Variants in YEATS2 observed in about 807,000 individuals in gnomAD.
YEATS2 encodes YEATS domain containing 2.
Under a neutral mutation model 163.2 loss-of-function variants are expected in YEATS2, and 77 were observed. The observed-to-expected ratio is 0.47, with a 90% CI of 0.39 to 0.57. YEATS2 has a LOEUF of 0.57. YEATS2 is among the 20% of genes least tolerant of loss of function. The pLI is 0.00. For synonymous variants in YEATS2, 631 were observed against 645.1 expected (o/e 0.98, Z 0.33); for missense variants, 1,549 against 1,729.8 (o/e 0.90, Z 1.85).
intron 1 of YEATS2, among the ~76,000 whole-genome samples, chr3:183,704,754 A>G (rs1490075872): frequency 6.6e-6 from 1 of 151,666 alleles, no homozygotes; most frequent in Non-Finnish European, 1.5e-5. Context: ...TCAGCCTCCC[A>G]AGTAGCTGGG....
chr3:183,808,907 T>A, intron 29 of YEATS2, 190 bp from the exon 30 acceptor site: 1 of 552,530 alleles, frequency 1.8e-6, no homozygotes. Flanking sequence ...TCACTCCAAT[T>A]CATAATTTCT....
intron 6 of YEATS2, among the ~76,000 whole-genome samples, chr3:183,725,535 G>A (rs536004777): frequency 6.6e-6 from 1 of 152,244 alleles, no homozygotes; most frequent in Non-Finnish European, 1.5e-5. Flanking sequence ...AGGCAAGGGA[G>A]AAACAAAGCC....
At chr3:183,762,790 G>A (rs193261542) in intron 15 of YEATS2, among the ~76,000 whole-genome samples, 3 of 151,958 alleles carry the variant, frequency 2.0e-5, no homozygotes, top group African/African-American at 7.2e-5. Context: ...GGTGGCTCAC[G>A]CCTGTGATCC....
chr3:183,745,012 A>C (rs1039052805), intron 8 of YEATS2, among the ~76,000 whole-genome samples: 1 of 151,942 alleles, frequency 6.6e-6, no homozygotes, highest in Admixed American at 6.6e-5. Context: ...CACCATGCCC[A>C]GCTAATTTTT....
At chr3:183,798,787 T>C in intron 22 of YEATS2, 104 bp from the exon 23 acceptor site, 1 of 871,934 alleles carries the variant, frequency 1.1e-6, no homozygotes, top group East Asian at 2.5e-5. Context: ...TCAAGTTGCC[T>C]TTGTGCTGTT....
intron 17 of YEATS2, 84 bp from the exon 18 acceptor site, chr3:183,775,831 C>A: frequency 6.3e-7 from 1 of 1,591,974 alleles, no homozygotes; most frequent in Non-Finnish European, 8.5e-7. Flanking sequence ...AAAAGGGAAA[C>A]ATCTCTCTGG....
Position 183,736,938 on chromosome 3 carries a change from A to C in YEATS2, c.924+109A>C, listed in dbSNP as rs773387391. The C allele has an allele frequency of 6.2e-6, 6 of 961,182 alleles. No homozygotes were observed. The East Asian group carries it at 1.5e-4, about 24-fold the overall frequency. 59.5% of individuals were successfully genotyped at this position (961,182 alleles called of 1,614,324 possible). ...GACCCCCTCGCATTAAAAAATTCAC[A>C]TACAACTTTCGACTCCCCCAAAACT... On this transcript the variant is annotated intron_variant, in intron 8 of 30. Transcript: ENST00000305135.
chr3:183,730,082 TTTTTTG>T (rs1458903671), intron 7 of YEATS2, among the ~76,000 whole-genome samples: 3 of 113,992 alleles, frequency 2.6e-5, no homozygotes, highest in East Asian at 2.3e-4. Context: ...TTTTTTTTTT[TTTTTTG>T]GAGACACATC....
intron 9 of YEATS2, among the ~76,000 whole-genome samples, chr3:183,748,673 C>T (rs1258082882): frequency 2.0e-5 from 3 of 151,912 alleles, no homozygotes; most frequent in Non-Finnish European, 2.9e-5. Flanking sequence ...CATCATGGCT[C>T]ACTGCAACCT....
intron 21 of YEATS2, among the ~76,000 whole-genome samples, chr3:183,792,669 C>T (rs1048703402): frequency 6.6e-6 from 1 of 152,128 alleles, no homozygotes; most frequent in Non-Finnish European, 1.5e-5. Context: ...AGGCACCCGC[C>T]CTCATGCCTG....
At chr3:183,778,119 AAAAAAAAAAG>A (rs1383804485) in intron 19 of YEATS2, among the ~76,000 whole-genome samples, 94 of 148,944 alleles carry the variant, frequency 6.3e-4, no homozygotes, top group African/African-American at 2.0e-3. Context: ...CTCAAAAAAA[AAAAAAAAAAG>A]AAAAAAAAAG....
At position 183,744,438 on chromosome 3, in the gene YEATS2, TATTTTTAAC is replaced by T. The variant is rs1387871383; in HGVS notation, c.925-3232_925-3224del. 3.3e-5 allele frequency among the ~76,000 whole-genome samples: 5 copies of T among 152,232 alleles called. No homozygotes were observed. The East Asian group carries it at 9.7e-4, about 29-fold the overall frequency. On this transcript the variant is annotated intron_variant, in intron 8 of 30. Coordinates refer to ENST00000305135, the MANE Select transcript of YEATS2 (RefSeq NM_018023.5). ...GGCCAGTTTTACTTTCTTTTAATCT[TATTTTTAAC>T]ACAGCACATACTACCTTATGTTGCA... is the stretch of plus-strand genomic sequence containing the variant.
chr3:183,747,803 G>A lies in YEATS2; in HGVS notation c.969+87G>A, dbSNP rs1284017529. 3.2e-5 allele frequency: 42 copies of A among 1,293,462 alleles called. No homozygotes were observed. In the South Asian group the frequency reaches 4.9e-4, roughly 15 times the overall value. The allele number at this position is 1,293,462 out of a possible 1,614,324, so 80.1% of individuals were successfully genotyped here. Reference sequence around the variant, plus strand: ...TTGTTTGTTTGTTTGTTTTGAGACGGGGTCTTCGCTCTGTCACCCAGGCTG... The same window carrying A: ...TTGTTTGTTTGTTTGTTTTGAGACGAGGTCTTCGCTCTGTCACCCAGGCTG... On this transcript the variant is annotated intron_variant, in intron 9 of 30. Coordinates refer to ENST00000305135, the MANE Select transcript of YEATS2 (RefSeq NM_018023.5).
intron 18 of YEATS2, among the ~76,000 whole-genome samples, 190 bp from the exon 19 acceptor site, chr3:183,777,352 G>T (rs1395136252): frequency 6.6e-6 from 1 of 152,198 alleles, no homozygotes; most frequent in Non-Finnish European, 1.5e-5. Flanking sequence ...TTTGAGAAGT[G>T]GGGATAACTA....
At chr3:183,803,800 T>C (rs1725914520) in intron 26 of YEATS2, 187 bp from the exon 27 acceptor site, 5 of 628,314 alleles carry the variant, frequency 8.0e-6, no homozygotes, top group Non-Finnish European at 1.4e-5. Context: ...AGTTGCTGTT[T>C]TATTGTATTA....
chr3:183,765,758 C>T (rs930573820), intron 15 of YEATS2, among the ~76,000 whole-genome samples: 5 of 151,958 alleles, frequency 3.3e-5, no homozygotes, highest in Admixed American at 1.3e-4. Context: ...ACCAGCCTGG[C>T]CAACATGGTG....
chr3:183,725,037 C>T (rs906482788), intron 6 of YEATS2, among the ~76,000 whole-genome samples: 5 of 133,422 alleles, frequency 3.7e-5, no homozygotes, highest in South Asian at 2.6e-4. Context: ...GCCACCGTGC[C>T]GGCCTTTTTT....
intron 24 of YEATS2, chr3:183,800,881 C>T: frequency 3.6e-6 from 1 of 281,356 alleles, no homozygotes; most frequent in East Asian, 8.8e-5. Flanking sequence ...TCTCCTGTTG[C>T]CATCACTCAG....
chr3:183,703,739 T>C (rs1384826727), intron 1 of YEATS2, among the ~76,000 whole-genome samples: 1 of 152,126 alleles, frequency 6.6e-6, no homozygotes, highest in East Asian at 1.9e-4. Flanking sequence ...TCTTAGAGTG[T>C]ACATTGAACA....
Sources: allele counts gnomAD v4.1 joint callset (sites outside exome capture counted in the v4.1 genomes callset), GRCh38; gene constraint gnomAD v4.1.1; transcripts MANE v1.5; gene names NCBI Gene and HGNC (gene_info 2026-07-23, HGNC 2026-07-21).